Variants in GRID2 observed in about 807,000 individuals in gnomAD.
GRID2 encodes glutamate ionotropic receptor delta type subunit 2.
A neutral mutation model predicts 114.8 loss-of-function variants in GRID2; 33 were observed. The observed-to-expected ratio is 0.29, with a 90% CI of 0.22 to 0.38. The LOEUF (loss-of-function observed/expected upper bound fraction) is 0.38, where lower values mean the gene tolerates loss of function less well. GRID2 is among the 10% of genes least tolerant of loss of function. The pLI is 1.00. For synonymous variants in GRID2, 505 were observed against 449.9 expected, an observed-to-expected ratio of 1.12 and a Z score of -1.55; for missense variants, 1,184 against 1,257.7, an observed-to-expected ratio of 0.94 and a Z score of 0.89.
chr4:92,721,415 T>C (rs1299230388), intron 2 of GRID2, among the ~76,000 whole-genome samples: 1 of 152,166 alleles, frequency 6.6e-6, no homozygotes, highest in Non-Finnish European at 1.5e-5. Context: ...TTCAGTTTTC[T>C]GAATTTATTC....
At chr4:93,179,247 C>T (rs1325589323) in intron 4 of GRID2, among the ~76,000 whole-genome samples, 2 of 152,162 alleles carry the variant, frequency 1.3e-5, no homozygotes, top group African/African-American at 4.8e-5. Context: ...TTGGACAGCA[C>T]AGCAATTGCA....
chr4:93,604,177 T>C (rs1739972888), intron 13 of GRID2, among the ~76,000 whole-genome samples: 1 of 152,202 alleles, frequency 6.6e-6, no homozygotes, highest in African/African-American at 2.4e-5. Context: ...GTAAGAACAT[T>C]CACTGTTCAT....
chr4:93,616,430 C>T (rs1741649157), intron 13 of GRID2, among the ~76,000 whole-genome samples: 1 of 151,180 alleles, frequency 6.6e-6, no homozygotes, highest in South Asian at 2.1e-4. Context: ...ACCTGTAGTC[C>T]CAGCTACTCA....
At chr4:93,340,238 CTCT>C in intron 8 of GRID2, among the ~76,000 whole-genome samples, 1 of 94,392 alleles carries the variant, frequency 1.1e-5, no homozygotes, top group Non-Finnish European at 1.8e-5. Context: ...ATTATCTCCT[CTCT>C]TTTTTTTTTT....
intron 11 of GRID2, among the ~76,000 whole-genome samples, chr4:93,476,653 T>A (rs544686088): frequency 4.4e-4 from 67 of 152,214 alleles, no homozygotes; most frequent in Admixed American, 4.3e-3. Flanking sequence ...GGAACAGATA[T>A]AAGAGCGTGA....
chr4:93,691,113 G>T (rs1443766055), intron 14 of GRID2, among the ~76,000 whole-genome samples: 1 of 151,312 alleles, frequency 6.6e-6, no homozygotes, highest in East Asian at 1.9e-4. Flanking sequence ...TTATTTTATT[G>T]ATTTAAAATG....
chr4:93,203,841 A>G (rs1055681387), intron 4 of GRID2: 1 of 152,144 alleles, frequency 6.6e-6, no homozygotes. Context: ...AATCCTACTA[A>G]GCTGGAATGG....
At chr4:93,501,706 G>A (rs1029172027) in intron 12 of GRID2, among the ~76,000 whole-genome samples, 4 of 152,034 alleles carry the variant, frequency 2.6e-5, no homozygotes, top group African/African-American at 9.7e-5. Context: ...TGGCTCCCAG[G>A]AACAGGGCTA....
At chr4:92,986,929 T>C (rs754598744) in intron 2 of GRID2, among the ~76,000 whole-genome samples, 4 of 152,170 alleles carry the variant, frequency 2.6e-5, no homozygotes, top group Non-Finnish European at 5.9e-5. Context: ...GTATAGGGTC[T>C]TTCCTTCCTT....
intron 2 of GRID2, among the ~76,000 whole-genome samples, chr4:92,695,020 G>T (rs968405370): frequency 2.0e-5 from 3 of 152,130 alleles, no homozygotes; most frequent in Non-Finnish European, 4.4e-5. Flanking sequence ...AGGCTGGAGT[G>T]CAGTGGTGCA....
intron 1 of GRID2, among the ~76,000 whole-genome samples, chr4:92,547,052 T>C (rs1159968721): frequency 6.6e-6 from 1 of 152,168 alleles, no homozygotes; most frequent in African/African-American, 2.4e-5. Flanking sequence ...TCTTGTATCC[T>C]TTGAGAATTG....
intron 1 of GRID2, among the ~76,000 whole-genome samples, chr4:92,313,121 GTA>G (rs1553923072): frequency 8.5e-4 from 116 of 136,710 alleles, no homozygotes; most frequent in Middle Eastern, 4.1e-3. Context: ...GTGTGTGTGT[GTA>G]TATGAGATGG....
intron 8 of GRID2, among the ~76,000 whole-genome samples, chr4:93,394,219 C>T (rs1441210538): frequency 6.6e-6 from 1 of 151,916 alleles, no homozygotes; most frequent in Non-Finnish European, 1.5e-5. Context: ...ACTTTCAACA[C>T]ATTTGGATTT....
At chr4:93,678,626 C>T (rs1410161887) in intron 14 of GRID2, among the ~76,000 whole-genome samples, 1 of 152,116 alleles carries the variant, frequency 6.6e-6, no homozygotes, top group African/African-American at 2.4e-5. Flanking sequence ...CAATATTCAA[C>T]ATTCTTAAAG....
At chr4:93,615,017 C>G (rs1224588668) in intron 13 of GRID2, among the ~76,000 whole-genome samples, 1 of 152,114 alleles carries the variant, frequency 6.6e-6, no homozygotes, top group Non-Finnish European at 1.5e-5. Context: ...ACATAAAATG[C>G]ACTTTGGTGT....
intron 1 of GRID2, among the ~76,000 whole-genome samples, chr4:92,424,960 A>G (rs1732086042): frequency 6.6e-6 from 1 of 151,958 alleles, no homozygotes; most frequent in Non-Finnish European, 1.5e-5. Context: ...ATGACTATCT[A>G]AATTATATTT....
intron 2 of GRID2, among the ~76,000 whole-genome samples, chr4:92,762,076 A>C (rs1447495725): frequency 6.6e-6 from 1 of 151,814 alleles, no homozygotes; most frequent in Non-Finnish European, 1.5e-5. Flanking sequence ...CACCACACCC[A>C]GCTATTTTTT....
At chr4:93,372,921 T>C (rs1313224011) in intron 8 of GRID2, among the ~76,000 whole-genome samples, 1 of 152,158 alleles carries the variant, frequency 6.6e-6, no homozygotes, top group African/African-American at 2.4e-5. Flanking sequence ...ATGTGCAATA[T>C]ATAAGTAGAT....
chr4:93,463,172 T>C (rs564890971), intron 11 of GRID2, among the ~76,000 whole-genome samples: 9 of 152,176 alleles, frequency 5.9e-5, no homozygotes, highest in African/African-American at 2.2e-4. Flanking sequence ...TTTCTTTCTT[T>C]TTATCGCACA....
Sources: gnomAD v4.1 joint callset for allele counts (sites outside exome capture counted in the v4.1 genomes callset) on GRCh38, gnomAD v4.1.1 for gene constraint, MANE v1.5 for transcripts, NCBI Gene and HGNC (gene_info 2026-07-23, HGNC 2026-07-21) for gene names.